CADPS: variants seen among roughly 807,000 people sequenced by gnomAD.
CADPS encodes the protein calcium dependent secretion activator.
CADPS carries 57 observed loss-of-function variants against 167.3 expected under a neutral mutation model. The ratio of observed to expected loss-of-function variants is 0.34; its 90% CI spans 0.28 to 0.42. CADPS has a LOEUF of 0.42. CADPS is among the 20% of genes least tolerant of loss of function. The pLI is 1.00. For missense variants in CADPS, 1,414 were observed against 1,738.1 expected (o/e 0.81, Z 3.32); for synonymous variants, 676 against 635.3 (o/e 1.06, Z -0.96).
At position 62,398,400 on chromosome 3, in the gene CADPS, C is replaced by T. The variant is rs1704822238; in HGVS notation, c.*1006G>A. ...GAGAAGCCACAGTTTTCCACACTTC[C>T]ATAACTGTAGGCTTTATATAAGGCA... On this transcript the variant is annotated 3_prime_UTR_variant, in exon 30 of 30. Transcript: ENST00000383710. 1 of 152,590 alleles carries T rather than the reference C, an allele frequency of 6.6e-6. No homozygotes were observed. Among genetic ancestry groups the T allele is most frequent in the African/African-American group, 2.4e-5 (1 of 41,436 alleles). The allele number at this position is 152,590 out of a possible 1,614,324, so 9.5% of individuals were successfully genotyped here.
chr3:62,645,622 G>A (rs545979860), intron 6 of CADPS, 100 bp downstream of exon 6: 46 of 1,289,080 alleles, frequency 3.6e-5, no homozygotes, highest in Middle Eastern at 1.9e-4. Flanking sequence ...ATGTCTTCTC[G>A]TATCTTCTGG....
chr3:62,489,970 C>A (rs1253586699), intron 21 of CADPS, among the ~76,000 whole-genome samples: 1 of 152,090 alleles, frequency 6.6e-6, no homozygotes, highest in Non-Finnish European at 1.5e-5. Flanking sequence ...ATTTAAATTT[C>A]TTGGTATTTG....
chr3:62,594,239 G>A (rs2086772731), intron 6 of CADPS, among the ~76,000 whole-genome samples: 1 of 147,164 alleles, frequency 6.8e-6, no homozygotes, highest in African/African-American at 2.5e-5. Context: ...TCGGCTCACT[G>A]CAAGCTCCGC....
At chr3:62,870,745 AT>A (rs1446294290) in intron 1 of CADPS, among the ~76,000 whole-genome samples, 1 of 152,188 alleles carries the variant, frequency 6.6e-6, no homozygotes, top group Non-Finnish European at 1.5e-5. Flanking sequence ...CATTTAAAAA[AT>A]GGTCATGTCA....
chr3:62,829,967 G>A (rs1192393192), intron 1 of CADPS, among the ~76,000 whole-genome samples: 1 of 152,146 alleles, frequency 6.6e-6, no homozygotes, highest in Non-Finnish European at 1.5e-5. Context: ...CTCTTCTGCT[G>A]AGATTTCTTC....
intron 3 of CADPS, among the ~76,000 whole-genome samples, chr3:62,677,277 C>G (rs145965301): frequency 5.3e-5 from 8 of 151,912 alleles, no homozygotes; most frequent in African/African-American, 1.9e-4. Context: ...ACCACTAGCA[C>G]CAAAAACAAA....
intron 5 of CADPS, among the ~76,000 whole-genome samples, chr3:62,649,820 G>A (rs1429030110): frequency 6.6e-6 from 1 of 151,956 alleles, no homozygotes; most frequent in East Asian, 1.9e-4. Context: ...TCAAAGTCCT[G>A]GGATTATAGA....
chr3:62,824,674 A>T (rs1474814261), intron 1 of CADPS, among the ~76,000 whole-genome samples: 1 of 152,206 alleles, frequency 6.6e-6, no homozygotes, highest in Non-Finnish European at 1.5e-5. Context: ...CAAGTGAAGC[A>T]TATCACCACT....
chr3:62,557,878 G>A (rs1432808924), intron 9 of CADPS, among the ~76,000 whole-genome samples: 1 of 152,138 alleles, frequency 6.6e-6, no homozygotes, highest in African/African-American at 2.4e-5. Context: ...TGCCATTTTT[G>A]TAGGTCAAAA....
intron 6 of CADPS, among the ~76,000 whole-genome samples, chr3:62,593,219 T>G (rs1023351174): frequency 6.6e-6 from 1 of 152,174 alleles, no homozygotes; most frequent in African/African-American, 2.4e-5. Context: ...CCATTTTCAC[T>G]GGCATTCAAA....
chr3:62,866,209 A>T (rs17067300), intron 1 of CADPS, among the ~76,000 whole-genome samples: 4,543 of 152,200 alleles, frequency 0.03, 99 homozygotes, highest in East Asian at 0.057. Flanking sequence ...AAGGTAATAG[A>T]TAGCATGTTT....
At chr3:62,513,815 A>T in intron 16 of CADPS, 1 of 695,236 alleles carries the variant, frequency 1.4e-6, no homozygotes, top group Non-Finnish European at 2.5e-6. Flanking sequence ...ATAGCCACAG[A>T]GTATTTTGGG....
At chr3:62,485,830 C>T (rs2062731291) in intron 21 of CADPS, among the ~76,000 whole-genome samples, 1 of 152,162 alleles carries the variant, frequency 6.6e-6, no homozygotes, top group Non-Finnish European at 1.5e-5. Flanking sequence ...AGAATGTTAG[C>T]ATTGGAAAAG....
chr3:62,480,314 A>T (rs998786033), intron 22 of CADPS, among the ~76,000 whole-genome samples: 2 of 152,156 alleles, frequency 1.3e-5, no homozygotes, highest in Admixed American at 6.5e-5. Flanking sequence ...AAGATAAGAG[A>T]AGCTTTCTGA....
At chr3:62,798,169 C>T (rs965104287) in intron 1 of CADPS, among the ~76,000 whole-genome samples, 3 of 152,104 alleles carry the variant, frequency 2.0e-5, no homozygotes, top group Non-Finnish European at 1.5e-5. Context: ...GATTGGATTG[C>T]TCCTGGGTGT....
intron 3 of CADPS, among the ~76,000 whole-genome samples, chr3:62,731,835 A>AAG (rs568495417): frequency 1.8e-5 from 2 of 110,236 alleles, no homozygotes; most frequent in Admixed American, 1.0e-4. Context: ...AAAAAAGTAA[A>AAG]GAAGGAAGAA....
At position 62,602,757 on chromosome 3, in the gene CADPS, T is replaced by A. The variant is rs1328378828; in HGVS notation, c.1326-10009A>T. Among the ~76,000 whole-genome samples the A allele has an allele frequency of 6.6e-6, 1 of 152,138 alleles. No homozygotes were observed. Among genetic ancestry groups the A allele is most frequent in the African/African-American group, 2.4e-5 (1 of 41,436 alleles). On this transcript the variant is annotated intron_variant, in intron 6 of 29. Coordinates refer to ENST00000383710, the MANE Select transcript of CADPS (RefSeq NM_003716.4). The surrounding 1 kb of genome is among the most constrained non-coding windows in gnomAD (Gnocchi z 4.4). Reference sequence around the variant, plus strand: ...CCTCCTTGACATTTCCACTGGAACGTCTCCTCTCCAGGAGTCTGAGATCAA... The same window carrying A: ...CCTCCTTGACATTTCCACTGGAACGACTCCTCTCCAGGAGTCTGAGATCAA...
At chr3:62,487,823 T>C (rs2063070016) in intron 21 of CADPS, among the ~76,000 whole-genome samples, 1 of 152,210 alleles carries the variant, frequency 6.6e-6, no homozygotes, top group Admixed American at 6.5e-5. Flanking sequence ...TATTTTGAAA[T>C]AAGAAAATCT....
At chr3:62,450,480 C>T (rs2057874419) in intron 26 of CADPS, among the ~76,000 whole-genome samples, 1 of 152,202 alleles carries the variant, frequency 6.6e-6, no homozygotes. Flanking sequence ...TTCTCAACTG[C>T]CCTCAAAGGG....
Sources: gnomAD v4.1 joint callset for allele counts (sites outside exome capture counted in the v4.1 genomes callset) on GRCh38, gnomAD v4.1.1 for gene constraint, Gnocchi (gnomAD v3.1) non-coding constraint, MANE v1.5 for transcripts, NCBI Gene and HGNC (gene_info 2026-07-23, HGNC 2026-07-21) for gene names.